The following HS6ST2 variants were observed in gnomAD, a reference collection of about 807,000 sequenced individuals.
HS6ST2 encodes the protein heparan-sulfate 6-O-sulfotransferase 2.
Under a neutral mutation model 33.0 loss-of-function variants are expected in HS6ST2, and 17 were observed. The observed-to-expected ratio is 0.52, with a 90% CI of 0.35 to 0.77. The LOEUF is 0.77. HS6ST2 is among the 30% of genes least tolerant of loss of function. The pLI is 0.01. For synonymous variants in HS6ST2, 248 were observed against 237.1 expected (o/e 1.05, Z -0.42); for missense variants, 519 against 551.7 (o/e 0.94, Z 0.59).
At chrX:132,761,555 G>A (rs921741725) in intron 2 of HS6ST2, among the ~76,000 whole-genome samples, 19 of 112,311 alleles carry the variant, frequency 1.7e-4, no homozygotes, top group African/African-American at 3.9e-4. Flanking sequence ...TCTCGCCAGC[G>A]TCTCTACTTC....
intron 2 of HS6ST2, among the ~76,000 whole-genome samples, chrX:132,887,917 T>C (rs1436734974): frequency 1.8e-5 from 2 of 112,072 alleles, no homozygotes; most frequent in Non-Finnish European, 3.8e-5. Context: ...CTACATGTTA[T>C]ATGGCTCCAT....
intron 2 of HS6ST2, among the ~76,000 whole-genome samples, chrX:132,891,439 G>C (rs1381700663): frequency 1.9e-5 from 2 of 107,418 alleles, no homozygotes; most frequent in Non-Finnish European, 3.8e-5. Flanking sequence ...CAATGTGCAG[G>C]TTAGTTACAT....
chrX:132,787,186 T>TAC (rs112250855), intron 2 of HS6ST2, among the ~76,000 whole-genome samples: 3 of 77,146 alleles, frequency 3.9e-5, no homozygotes, highest in Admixed American at 3.0e-4. Flanking sequence ...TATATATATA[T>TAC]ACATATATAT....
intron 2 of HS6ST2, among the ~76,000 whole-genome samples, chrX:132,880,642 C>CTTTTTTTTTT (rs2066159750): frequency 9.5e-6 from 1 of 105,642 alleles, no homozygotes; most frequent in African/African-American, 3.5e-5. Context: ...TTTTTTATTA[C>CTTTTTTTTTT]TATACTTTAA....
chrX:132,949,695 T>C (rs867419464), intron 2 of HS6ST2, among the ~76,000 whole-genome samples: 1 of 111,482 alleles, frequency 9.0e-6, no homozygotes, highest in East Asian at 2.8e-4. Context: ...TAATGCTTAT[T>C]GTTATTATAT....
chrX:132,871,664 C>T (rs143664888), intron 2 of HS6ST2, among the ~76,000 whole-genome samples: 4,595 of 109,729 alleles, frequency 0.042, 239 homozygotes, highest in African/African-American at 0.14. Context: ...TCATTCTCAG[C>T]GAACTAACAC....
chrX:132,821,336 A>C (rs1014617182), intron 2 of HS6ST2, among the ~76,000 whole-genome samples: 2 of 106,365 alleles, frequency 1.9e-5, no homozygotes, highest in South Asian at 4.4e-4. Flanking sequence ...CCTCAGCCTC[A>C]CAAGTAGCTG....
chrX:132,769,948 A>C (rs2064881751), intron 2 of HS6ST2, among the ~76,000 whole-genome samples: 1 of 112,009 alleles, frequency 8.9e-6, no homozygotes, highest in Admixed American at 9.5e-5. Flanking sequence ...CTCGCTTGTG[A>C]TATGTTCTTC....
chrX:132,780,476 G>A (rs1014991701), intron 2 of HS6ST2, among the ~76,000 whole-genome samples: 2 of 110,920 alleles, frequency 1.8e-5, no homozygotes, highest in African/African-American at 6.6e-5. Context: ...CCATGAGATA[G>A]ACACTAGTAT....
At chrX:132,670,387 T>C (rs1602563465) in intron 3 of HS6ST2, among the ~76,000 whole-genome samples, 2 of 111,595 alleles carry the variant, frequency 1.8e-5, no homozygotes, top group African/African-American at 3.3e-5. Context: ...ATGGATATGA[T>C]TGGAACAAGA....
At chrX:132,864,882 G>A (rs903601713) in intron 2 of HS6ST2, among the ~76,000 whole-genome samples, 7 of 111,579 alleles carry the variant, frequency 6.3e-5, no homozygotes, top group East Asian at 2.8e-4. Context: ...ACCCATCAAC[G>A]GAAGCCCATC....
intron 2 of HS6ST2, among the ~76,000 whole-genome samples, chrX:132,758,844 C>T (rs2064780672): frequency 8.9e-6 from 1 of 111,854 alleles, no homozygotes; most frequent in South Asian, 3.8e-4. Context: ...CTGGAGTTCC[C>T]CTCCTTTCCC....
intron 2 of HS6ST2, among the ~76,000 whole-genome samples, chrX:132,722,943 G>A (rs1001120197): frequency 4.6e-5 from 5 of 107,919 alleles, no homozygotes; most frequent in African/African-American, 1.7e-4. Flanking sequence ...TCTTACTAAG[G>A]GAAAAGAGAA....
chrX:132,933,639 T>A (rs1243025075), intron 2 of HS6ST2, among the ~76,000 whole-genome samples: 1 of 111,509 alleles, frequency 9.0e-6, no homozygotes, highest in Admixed American at 9.6e-5. Context: ...GCAAGTAGGA[T>A]AACCAAAAAG....
chrX:132,736,087 C>CA (rs1379328438), intron 2 of HS6ST2, among the ~76,000 whole-genome samples: 1 of 110,874 alleles, frequency 9.0e-6, no homozygotes, highest in Non-Finnish European at 1.9e-5. Flanking sequence ...TCAAGTGATC[C>CA]ACCCGCCTCG....
intron 2 of HS6ST2, among the ~76,000 whole-genome samples, chrX:132,828,693 TACACAC>T (rs779585327): frequency 0.14 from 9,932 of 72,761 alleles, 937 homozygotes; most frequent in African/African-American, 0.2. Flanking sequence ...TATATATATA[TACACAC>T]ACACACACAC....
At chrX:132,641,234 C>T (rs778484560) in intron 4 of HS6ST2, among the ~76,000 whole-genome samples, 1 of 112,613 alleles carries the variant, frequency 8.9e-6, no homozygotes, top group Non-Finnish European at 1.9e-5. Flanking sequence ...ACTTCCACCT[C>T]CCAGGTTTAA....
intron 2 of HS6ST2, among the ~76,000 whole-genome samples, chrX:132,745,019 T>C (rs1182231345): frequency 8.9e-6 from 1 of 112,080 alleles, no homozygotes; most frequent in East Asian, 2.8e-4. Flanking sequence ...GTATATTGTG[T>C]AATTGCTGAG....
chrX:132,666,323 A>G (rs1420281238), intron 4 of HS6ST2, among the ~76,000 whole-genome samples: 2 of 111,712 alleles, frequency 1.8e-5, no homozygotes, highest in East Asian at 5.6e-4. Context: ...CCCTACTAAG[A>G]CTGTGAACTG....
Sources: gnomAD v4.1 joint callset for allele counts (sites outside exome capture counted in the v4.1 genomes callset) on GRCh38, gnomAD v4.1.1 for gene constraint, MANE v1.5 for transcripts, NCBI Gene and HGNC (gene_info 2026-07-23, HGNC 2026-07-21) for gene names.